TMEM178B: variants seen among roughly 807,000 people sequenced by gnomAD.
The protein encoded by TMEM178B is transmembrane protein 178B.
In TMEM178B, 5 loss-of-function variants were observed where a neutral mutation model predicts 31.0. The ratio of observed to expected loss-of-function variants is 0.16; its 90% CI spans 0.08 to 0.34. The LOEUF is 0.34. Ranked by LOEUF, TMEM178B falls within the 10% of genes least tolerant of loss-of-function variation. TMEM178B has a pLI of 1.00. For synonymous variants in TMEM178B, 164 were observed against 164.0 expected, an observed-to-expected ratio of 1.00 and a Z score of 0.00; for missense variants, 275 against 400.3, an observed-to-expected ratio of 0.69 and a Z score of 2.67.
At chr7:141,494,661 T>C in the TMEM178B span, among the ~76,000 whole-genome samples, 1 of 152,204 alleles carries the variant, frequency 6.6e-6, no homozygotes, top group African/African-American at 2.4e-5. Context: ...CCTAGCACTT[T>C]GAAAGGCCAA....
At chr7:141,131,295 T>C (rs1265970343) in intron 1 of TMEM178B, among the ~76,000 whole-genome samples, 4 of 152,238 alleles carry the variant, frequency 2.6e-5, no homozygotes, top group African/African-American at 9.6e-5. Flanking sequence ...GTGCTCTTTA[T>C]TGGTAATCTT....
chr7:141,285,706 A>G (rs149987200), intron 2 of TMEM178B, among the ~76,000 whole-genome samples: 3,455 of 152,288 alleles, frequency 0.023, 85 homozygotes, highest in Admixed American at 0.075. Context: ...AAGCCCATCA[A>G]TGATAGATTG....
At position 141,452,265 on chromosome 7, in the gene TMEM178B, A is replaced by G. The variant is rs186070014; in HGVS notation, c.634+14520A>G. Among the ~76,000 whole-genome samples, 459 of 152,272 alleles carry G rather than the reference A, an allele frequency of 3.0e-3. 2 individuals carry two copies. Among genetic ancestry groups the G allele is most frequent in the African/African-American group, 0.01 (430 of 41,560 alleles). On this transcript the variant is annotated intron_variant, in intron 3 of 3. Transcript: ENST00000565468. ...TCTCCACCTTTCTGGAACCTCAAACATACTTTGACCCGGATTTGTCCTTTC... is the reference window on the plus strand; with the variant it reads ...TCTCCACCTTTCTGGAACCTCAAACGTACTTTGACCCGGATTTGTCCTTTC...
At chr7:141,367,689 G>C (rs928607304) in intron 2 of TMEM178B, among the ~76,000 whole-genome samples, 5 of 152,148 alleles carry the variant, frequency 3.3e-5, no homozygotes, top group African/African-American at 1.2e-4. Flanking sequence ...AATAATTATA[G>C]AAACAAGGTA....
intron 3 of TMEM178B, among the ~76,000 whole-genome samples, chr7:141,469,088 T>C (rs1237901072): frequency 6.6e-6 from 1 of 152,236 alleles, no homozygotes; most frequent in Admixed American, 6.5e-5. Context: ...AGGCAGCCTC[T>C]TCCTATTGGC....
intron 3 of TMEM178B, among the ~76,000 whole-genome samples, chr7:141,468,832 C>A (rs891148334): frequency 1.3e-5 from 2 of 152,104 alleles, no homozygotes; most frequent in African/African-American, 4.8e-5. Flanking sequence ...CAGTCTGTGG[C>A]GAAGTGCATA....
At chr7:141,417,590 A>T (rs1484304701) in intron 2 of TMEM178B, among the ~76,000 whole-genome samples, 2 of 152,162 alleles carry the variant, frequency 1.3e-5, no homozygotes, top group Non-Finnish European at 2.9e-5. Context: ...ATTCTAGAGG[A>T]GCTGGGAGTG....
chr7:141,254,347 C>A (rs537444486), intron 2 of TMEM178B, among the ~76,000 whole-genome samples: 8 of 152,294 alleles, frequency 5.3e-5, no homozygotes, highest in African/African-American at 1.9e-4. Context: ...ACAGGTGCTA[C>A]TCAGGGTTCC....
intron 1 of TMEM178B, among the ~76,000 whole-genome samples, chr7:141,103,576 G>T (rs1795092940): frequency 6.6e-6 from 1 of 152,010 alleles, no homozygotes; most frequent in Admixed American, 6.6e-5. Flanking sequence ...CTGTCACCCT[G>T]CCTGGCTCAT....
intron 2 of TMEM178B, among the ~76,000 whole-genome samples, chr7:141,326,063 T>A (rs1799184375): frequency 6.6e-6 from 1 of 152,252 alleles, no homozygotes; most frequent in South Asian, 2.1e-4. Context: ...ACCCTATTTT[T>A]ATAATATTCA....
At chr7:141,488,564 C>T in the TMEM178B span, among the ~76,000 whole-genome samples, 2 of 152,154 alleles carry the variant, frequency 1.3e-5, no homozygotes, top group African/African-American at 2.4e-5. Context: ...CTCAGCCTCC[C>T]GAGTAGCTGG....
At chr7:141,267,482 C>G (rs1231065723) in intron 2 of TMEM178B, among the ~76,000 whole-genome samples, 1 of 152,180 alleles carries the variant, frequency 6.6e-6, no homozygotes, top group African/African-American at 2.4e-5. Context: ...ATATTGTCGG[C>G]TCCCCTCAGC....
chr7:141,411,143 A>G (rs1800981727), intron 2 of TMEM178B, among the ~76,000 whole-genome samples: 1 of 150,688 alleles, frequency 6.6e-6, no homozygotes, highest in Non-Finnish European at 1.5e-5. Flanking sequence ...GTTAATGCCT[A>G]ATATGAGTGG....
intron 1 of TMEM178B, among the ~76,000 whole-genome samples, chr7:141,116,183 C>T (rs1232710552): frequency 6.6e-6 from 1 of 152,092 alleles, no homozygotes; most frequent in Non-Finnish European, 1.5e-5. Context: ...TATTATTTAC[C>T]TATCGAGGTG....
chr7:141,373,848 C>T (rs1354123144), intron 2 of TMEM178B, among the ~76,000 whole-genome samples: 1 of 152,168 alleles, frequency 6.6e-6, no homozygotes, highest in Non-Finnish European at 1.5e-5. Context: ...AATATTTAAA[C>T]CTCTGCTCAG....
Position 141,117,428 on chromosome 7 carries a change from A to T in TMEM178B, c.382+42736A>T, listed in dbSNP as rs754747888. On this transcript the variant is annotated intron_variant, in intron 1 of 3. Coordinates refer to ENST00000565468, the MANE Select transcript of TMEM178B (RefSeq NM_001195278.2). ...TATTAGCCCTTTGTCAGGTTGATAG[A>T]TTACAAAAATTTTCTCCCATTCTGT... Among the ~76,000 whole-genome samples, 68 of 152,104 alleles carry T rather than the reference A, an allele frequency of 4.5e-4. 1 individual carries two copies. Among genetic ancestry groups the T allele is most frequent in the Non-Finnish European group, 1.0e-4 (7 of 68,016 alleles).
intron 2 of TMEM178B, among the ~76,000 whole-genome samples, chr7:141,233,382 G>C (rs747791514): frequency 6.6e-6 from 1 of 152,178 alleles, no homozygotes; most frequent in South Asian, 2.1e-4. Context: ...GCTGAAGGTC[G>C]AATTTCTATT....
At chr7:141,355,004 G>A (rs1057429308) in intron 2 of TMEM178B, among the ~76,000 whole-genome samples, 1 of 152,062 alleles carries the variant, frequency 6.6e-6, no homozygotes, top group African/African-American at 2.4e-5. Context: ...TTGCTTAGAG[G>A]AATCAAAGTT....
intron 2 of TMEM178B, among the ~76,000 whole-genome samples, chr7:141,233,321 T>A (rs1414751598): frequency 6.6e-6 from 1 of 152,174 alleles, no homozygotes. Flanking sequence ...GTGAGAGTGG[T>A]TGTTAGGTGC....
Sources: gnomAD v4.1 joint callset for allele counts (sites outside exome capture counted in the v4.1 genomes callset) on GRCh38, gnomAD v4.1.1 for gene constraint, MANE v1.5 for transcripts, NCBI Gene and HGNC (gene_info 2026-07-23, HGNC 2026-07-21) for gene names.